The following C16orf96 variants were observed in gnomAD, a reference collection of about 807,000 sequenced individuals.
C16orf96 encodes the protein uncharacterized protein C16orf96.
Under a neutral mutation model 103.6 loss-of-function variants are expected in C16orf96, and 108 were observed. The observed-to-expected ratio is 1.04, with a 90% CI of 0.89 to 1.22. The LOEUF (loss-of-function observed/expected upper bound fraction) is 1.22. Among genes scored for constraint, C16orf96 ranks in the 50% most tolerant of loss-of-function variants. The pLI is 0.00. For missense variants in C16orf96, 1,586 were observed against 1,464.2 expected, an observed-to-expected ratio of 1.08 and a Z score of -1.36; for synonymous variants, 566 against 593.5, an observed-to-expected ratio of 0.95 and a Z score of 0.67.
At chr16:4,599,794 C>G (rs922038733) in intron 15 of C16orf96, among the ~76,000 whole-genome samples, 1 of 152,216 alleles carries the variant, frequency 6.6e-6, no homozygotes, top group Non-Finnish European at 1.5e-5. Flanking sequence ...TGAGCTGTGG[C>G]CCAAGATCAC....
intron 1 of C16orf96, among the ~76,000 whole-genome samples, chr16:4,570,360 C>G (rs970260243): frequency 1.3e-5 from 2 of 151,688 alleles, no homozygotes; most frequent in Non-Finnish European, 2.9e-5. Context: ...TTATAAAGGG[C>G]TCTGTTAAGT....
intron 1 of C16orf96, among the ~76,000 whole-genome samples, chr16:4,569,620 T>A (rs1272435149): frequency 6.7e-6 from 1 of 150,116 alleles, no homozygotes; most frequent in Non-Finnish European, 1.5e-5. Flanking sequence ...TAGTCTCAGC[T>A]ACTTGGGAGG....
intron 7 of C16orf96, among the ~76,000 whole-genome samples, chr16:4,583,447 A>G (rs1896840974): frequency 6.6e-6 from 1 of 152,166 alleles, no homozygotes; most frequent in South Asian, 2.1e-4. Flanking sequence ...TGGAGGTTGC[A>G]GTGAGCTGAG....
chr16:4,574,519 G>T (rs1043538200), intron 2 of C16orf96, among the ~76,000 whole-genome samples, 190 bp from the exon 3 acceptor site: 2 of 152,192 alleles, frequency 1.3e-5, no homozygotes, highest in African/African-American at 4.8e-5. Context: ...ACTGTGCCCG[G>T]CCTGACATGC....
intron 7 of C16orf96, among the ~76,000 whole-genome samples, chr16:4,584,900 A>C (rs1043825720): frequency 1.3e-5 from 2 of 151,924 alleles, no homozygotes; most frequent in Non-Finnish European, 2.9e-5. Context: ...CGAACTCCTG[A>C]CCCCAAGTGA....
chr16:4,553,097 G>C (rs2059237733), upstream of C16orf96, among the ~76,000 whole-genome samples: 1 of 152,140 alleles, frequency 6.6e-6, no homozygotes, highest in Non-Finnish European at 1.5e-5. Flanking sequence ...TCTCAGCTCA[G>C]ATGTCACCTC....
chr16:4,594,186 G>T (rs1394588402), intron 12 of C16orf96, among the ~76,000 whole-genome samples, 165 bp from the exon 13 acceptor site: 1 of 152,162 alleles, frequency 6.6e-6, no homozygotes, highest in Non-Finnish European at 1.5e-5. Context: ...CACTGTGTGT[G>T]TCTGTATCCA....
At chr16:4,543,801 C>T in the C16orf96 span, among the ~76,000 whole-genome samples, 2 of 151,808 alleles carry the variant, frequency 1.3e-5, no homozygotes, top group Non-Finnish European at 2.9e-5. Context: ...ACCATCACAA[C>T]TGGCTAATTT....
At position 4,556,600 on chromosome 16, in the gene C16orf96, C is replaced by T. The variant is rs542222346; in HGVS notation, c.111C>T (p.Ile37=). 1.9e-5 allele frequency: 30 copies of T among 1,551,754 alleles called. 1 individual carries two copies. The African/African-American group carries it at 4.0e-4, about 20-fold the overall frequency. The change falls in exon 1 of 16, where the codon ATC becomes ATT. Residue 37 remains isoleucine, a synonymous_variant. Transcript: ENST00000444310. ...HLLLHGILEH[I]HMAELKKVLS... ...TGCTGCACGGCATCTTGGAGCACAT[C>T]CACATGGCCGAGCTCAAGAAAGTCC...
At chr16:4,598,376 A>G (rs1366612026) in intron 14 of C16orf96, among the ~76,000 whole-genome samples, 1 of 151,622 alleles carries the variant, frequency 6.6e-6, no homozygotes, top group Admixed American at 6.6e-5. Context: ...AAAAAAGAAA[A>G]GAAATGTCCA....
At position 4,556,916 on chromosome 16, in the gene C16orf96, C is replaced by T. The variant is rs1049973747; in HGVS notation, c.420+7C>T. 2.6e-6 allele frequency: 4 copies of T among 1,531,208 alleles called. No homozygotes were observed. In the African/African-American group the frequency reaches 5.5e-5, roughly 21 times the overall value. The allele number at this position is 1,531,208 out of a possible 1,614,324, so 94.9% of individuals were successfully genotyped here. ...TGATGAAGTCATGGCCAAGGTACGC[C>T]CCCAGCCTCCAGACACTTCTTTTCC... On this transcript the variant is annotated splice_region_variant and intron_variant, in intron 1 of 15. Transcript: ENST00000444310.
intron 8 of C16orf96, 88 bp from the exon 9 acceptor site, chr16:4,588,079 A>G: frequency 7.5e-7 from 1 of 1,333,620 alleles, no homozygotes; most frequent in Non-Finnish European, 1.0e-6. Context: ...CCAAACTAGA[A>G]GCATCAGACC....
intron 14 of C16orf96, among the ~76,000 whole-genome samples, chr16:4,595,690 TTTG>T (rs56706290): frequency 9.3e-5 from 14 of 150,604 alleles, no homozygotes; most frequent in Admixed American, 1.3e-4. Flanking sequence ...ATTCTGGTTT[TTTG>T]TTGTTGTTGT....
Position 4,556,821 on chromosome 16 carries a change from GC to G in C16orf96, c.334del (p.Gln112ArgfsTer13), listed in dbSNP as rs1384377503. 1 of 1,551,528 alleles carries G rather than the reference GC, an allele frequency of 6.4e-7. No individual in the cohort carries two copies. The highest frequency in any genetic ancestry group is 1.4e-5 in the African/African-American group (1 of 73,066). On this transcript the variant is annotated frameshift_variant, in exon 1 of 16. Transcript: ENST00000444310. LOFTEE classifies it high-confidence loss of function. The part of the protein sequence containing the change: ...LPSTAQLLEA[S>X]QGTARPVQDL... ...TCCACTGCCCAGCTGCTGGAAGCCA[GC>G]CAGGGCACTGCCCGGCCCGTCCAGG...
At chr16:4,543,834 G>A in the C16orf96 span, among the ~76,000 whole-genome samples, 1 of 151,924 alleles carries the variant, frequency 6.6e-6, no homozygotes, top group African/African-American at 2.4e-5. Flanking sequence ...TAGAGACAGG[G>A]TTTCACCATG....
intron 1 of C16orf96, chr16:4,560,818 A>G (rs2059321890): frequency 6.6e-6 from 1 of 152,030 alleles, no homozygotes; most frequent in African/African-American, 2.4e-5. Context: ...GTCTCTACGA[A>G]AAAAAGACAA....
At position 4,556,849 on chromosome 16, in the gene C16orf96, C is replaced by T. The variant is rs1207902175; in HGVS notation, c.360C>T (p.Asp120=). ...AGGGCACTGCCCGGCCCGTCCAGGA[C>T]CTGTGGCATCTGATCAAGCTCCGGA... is the stretch of plus-strand genomic sequence containing the variant. The part of the protein sequence containing the change: ...ASQGTARPVQ[D]LWHLIKLRKM... Residue 120 remains aspartate, a synonymous_variant, in exon 1 of 16, where the codon GAC becomes GAT. Coordinates refer to ENST00000444310, the MANE Select transcript of C16orf96 (RefSeq NM_001145011.2). 1.2e-5 allele frequency: 18 copies of T among 1,551,244 alleles called. No individual in the cohort carries two copies. Among genetic ancestry groups the T allele is most frequent in the African/African-American group, 4.1e-5 (3 of 73,050 alleles).
the C16orf96 span, among the ~76,000 whole-genome samples, chr16:4,550,711 C>A: frequency 6.6e-6 from 1 of 152,224 alleles, no homozygotes; most frequent in Admixed American, 6.5e-5. Context: ...GCATGCCCAG[C>A]AGACCCCAGG....
chr16:4,582,285 AAAATAAAT>A (rs140485410), intron 7 of C16orf96, among the ~76,000 whole-genome samples: 36,955 of 149,120 alleles, frequency 0.25, 5,223 homozygotes, highest in African/African-American at 0.38. Context: ...TCAGTCTCAA[AAAATAAAT>A]AAATAAATAA....
Sources: gnomAD v4.1 joint callset for allele counts (sites outside exome capture counted in the v4.1 genomes callset) on GRCh38, gnomAD v4.1.1 for gene constraint, MANE v1.5 for transcripts, NCBI Gene and HGNC (gene_info 2026-07-23, HGNC 2026-07-21) for gene names.